HSPG2: variants seen among roughly 807,000 people sequenced by gnomAD.
HSPG2 encodes the protein basement membrane-specific heparan sulfate proteoglycan core protein.
In HSPG2, 278 loss-of-function variants were observed where a neutral mutation model predicts 526.6. That is an observed-to-expected ratio of 0.53 (90% CI 0.48 to 0.58). The LOEUF (loss-of-function observed/expected upper bound fraction) is 0.58, where lower values mean the gene tolerates loss of function less well. Ranked by LOEUF, HSPG2 falls within the 20% of genes least tolerant of loss-of-function variation. The pLI is 0.00. For synonymous variants in HSPG2, 2,465 were observed against 2,555.4 expected, an observed-to-expected ratio of 0.96 and a Z score of 1.07; for missense variants, 5,354 against 6,099.5, an observed-to-expected ratio of 0.88 and a Z score of 4.07.
chr1:21,915,442 T>A (rs1262890964), intron 1 of HSPG2, among the ~76,000 whole-genome samples: 1 of 152,146 alleles, frequency 6.6e-6, no homozygotes, highest in East Asian at 1.9e-4. Flanking sequence ...AGGAGCTGGA[T>A]GAAGGCAAGT....
At chr1:21,905,804 C>T (rs1056984850) in intron 1 of HSPG2, among the ~76,000 whole-genome samples, 15 of 152,108 alleles carry the variant, frequency 9.9e-5, no homozygotes, top group African/African-American at 2.9e-4. Context: ...TGAGGCCAGG[C>T]GTTCAAGACC....
intron 1 of HSPG2, among the ~76,000 whole-genome samples, chr1:21,925,336 C>T (rs909331938): frequency 2.6e-5 from 4 of 152,182 alleles, no homozygotes; most frequent in African/African-American, 4.8e-5. Context: ...CAACACAACG[C>T]GGGACCTGGA....
intron 33 of HSPG2, chr1:21,869,393 G>T (rs982744473): frequency 3.2e-5 from 31 of 966,142 alleles, no homozygotes; most frequent in Non-Finnish European, 3.8e-5. Flanking sequence ...AATTGGTGAA[G>T]TTGGTTCAGA....
intron 37 of HSPG2, among the ~76,000 whole-genome samples, chr1:21,863,878 A>G (rs1191439885): frequency 1.3e-5 from 2 of 152,200 alleles, no homozygotes; most frequent in African/African-American, 2.4e-5. Context: ...AAAGAAAAAA[A>G]TAGTAAAGAA....
chr1:21,920,508 T>C (rs919767826), intron 1 of HSPG2, among the ~76,000 whole-genome samples: 2 of 152,332 alleles, frequency 1.3e-5, no homozygotes, highest in Middle Eastern at 3.4e-3. Flanking sequence ...TTCACTCCAC[T>C]AGCAGCAGCT....
intron 1 of HSPG2, among the ~76,000 whole-genome samples, chr1:21,930,595 G>A (rs1208194178): frequency 6.6e-6 from 1 of 152,136 alleles, no homozygotes; most frequent in Non-Finnish European, 1.5e-5. Context: ...CCAACATGGT[G>A]GAACTCCATC....
rs1352156224 is a variant in HSPG2, at chr1:21,878,744, T to A, written c.2472-81A>T. The A allele has an allele frequency of 3.8e-5, 51 of 1,357,812 alleles. No homozygotes were observed. The Admixed American group carries it at 8.7e-4, about 23-fold the overall frequency. 84.1% of individuals were successfully genotyped at this position (1,357,812 alleles called of 1,614,324 possible). A position where few individuals can be genotyped will look rare whatever the true frequency, so the allele number is the denominator to read the frequency against. On this transcript the variant is annotated intron_variant, in intron 18 of 96. Transcript: ENST00000374695. The stretch of plus-strand genomic sequence containing the variant: ...CCCACCCTGGGAAATGACTGCTGTC[T>A]ACACAGACACAGTGTGCCACGAGGC...
intron 30 of HSPG2, 83 bp from the exon 31 acceptor site, chr1:21,873,174 G>GAGT: frequency 7.8e-7 from 1 of 1,285,494 alleles, no homozygotes; most frequent in Non-Finnish European, 1.1e-6. Flanking sequence ...ACCACTGAGC[G>GAGT]GGAGCTCTGA....
At position 21,846,452 on chromosome 1, in the gene HSPG2, T is replaced by C. The variant is rs1486062688; in HGVS notation, c.8312A>G (p.His2771Arg). 1.2e-6 allele frequency: 2 copies of C among 1,613,374 alleles called. No homozygotes were observed. Among genetic ancestry groups the C allele is most frequent in the Non-Finnish European group, 1.7e-6 (2 of 1,180,042 alleles). The stretch of plus-strand genomic sequence containing the variant: ...CATTTCCTGCCAGCTGCATACCTGA[T>C]GGTGACTGGGGAGGCTGCCCCCACG... ...HKRGGSLPSH[H>R]QTRGSRLRLH... The change falls in exon 63 of 97, where the codon CAT (histidine) becomes CGT (arginine). Residue 2771 changes from histidine (H) to arginine (R), a missense_variant. Physicochemically the swap from His to Arg is conservative, Grantham distance 29. Coordinates refer to ENST00000374695, the MANE Select transcript of HSPG2 (RefSeq NM_005529.7).
chr1:21,827,586 C>G (rs2097981955), intron 91 of HSPG2, among the ~76,000 whole-genome samples: 1 of 152,186 alleles, frequency 6.6e-6, no homozygotes, highest in Non-Finnish European at 1.5e-5. Context: ...TTACTGCTCT[C>G]AGGGCAAGGA....
At chr1:21,846,367 C>A in intron 63 of HSPG2, 81 bp downstream of exon 63, 1 of 1,609,100 alleles carries the variant, frequency 6.2e-7, no homozygotes, top group South Asian at 1.1e-5. Context: ...CCCACGGGGG[C>A]TCCTAGGTCT....
At position 21,842,280 on chromosome 1, in the gene HSPG2, G is replaced by A. The variant is rs1049346014; in HGVS notation, c.9011C>T (p.Ser3004Phe). ...ACTGGGCGGGACGGTGACTGTGAAGGAGGCTTCTTGCTCAGGGCCTGGGCC... is the reference window on the plus strand; with the variant it reads ...ACTGGGCGGGACGGTGACTGTGAAGAAGGCTTCTTGCTCAGGGCCTGGGCC... ...ASGPGPEQEA[S>F]FTVTVPPSEG... The change falls in exon 68 of 97, where the codon TCC (serine) becomes TTC (phenylalanine). Residue 3004 changes from serine to phenylalanine, a missense_variant. By Grantham distance (155) the Ser-to-Phe change is radical (BLOSUM62 -2). Coordinates refer to ENST00000374695, the MANE Select transcript of HSPG2 (RefSeq NM_005529.7). 6.8e-6 allele frequency: 11 copies of A among 1,613,438 alleles called. No individual in the cohort carries two copies. The highest frequency in any genetic ancestry group is 8.5e-6 in the Non-Finnish European group (10 of 1,179,906).
rs575119021 is a variant in HSPG2, at chr1:21,887,203, T to C, written c.1078+12A>G. ...GGGCAAGGGGGCCTCAGCTGGACCC[T>C]CGGATACTCACGGCAGTTGGCTTCA... On this transcript the variant is annotated intron_variant, in intron 9 of 96. Coordinates refer to ENST00000374695, the MANE Select transcript of HSPG2 (RefSeq NM_005529.7). This position sits in a 1 kb window ranked among gnomAD's most constrained non-coding sequence, Gnocchi z 5.0. 3 of 1,606,694 alleles carry C rather than the reference T, an allele frequency of 1.9e-6. No individual in the cohort carries two copies. The highest frequency in any genetic ancestry group is 3.4e-5 in the Admixed American group (2 of 58,796).
intron 91 of HSPG2, among the ~76,000 whole-genome samples, chr1:21,827,004 T>C (rs1013787861): frequency 1.3e-5 from 2 of 151,914 alleles, no homozygotes; most frequent in African/African-American, 4.8e-5. Flanking sequence ...GGTCAGGAGT[T>C]AGAGACAGGC....
At chr1:21,936,007 T>C (rs561816889) in intron 1 of HSPG2, among the ~76,000 whole-genome samples, 22 of 151,894 alleles carry the variant, frequency 1.4e-4, no homozygotes, top group African/African-American at 4.6e-4. Context: ...GCCAGGAAGG[T>C]GAGGCCAGGC....
chr1:21,909,184 A>G (rs1176884342), intron 1 of HSPG2, among the ~76,000 whole-genome samples: 1 of 152,240 alleles, frequency 6.6e-6, no homozygotes, highest in Non-Finnish European at 1.5e-5. Flanking sequence ...GCAAAGGGTC[A>G]TCATCACCAT....
intron 1 of HSPG2, among the ~76,000 whole-genome samples, chr1:21,913,063 C>T (rs1477154013): frequency 1.3e-5 from 2 of 152,074 alleles, no homozygotes; most frequent in Non-Finnish European, 2.9e-5. Context: ...GAGGAGCCTC[C>T]CAGCAACTCG....
chr1:21,843,022 C>T (rs761756976), intron 66 of HSPG2, 101 bp from the exon 67 acceptor site: 30 of 1,392,994 alleles, frequency 2.2e-5, no homozygotes, highest in South Asian at 4.8e-5. Flanking sequence ...ATCCTGGGGG[C>T]GCGGTGGCTT....
rs904185481 is a variant in HSPG2, at chr1:21,888,525, C to T, written c.575-459G>A. ...CTTGCTACGTTGCCCAAGCTGGTCT[C>T]GAACTCTTTGCCTCAAGCAATCCTC... is the stretch of plus-strand genomic sequence containing the variant. On this transcript the variant is annotated intron_variant, in intron 6 of 96. Coordinates refer to ENST00000374695, the MANE Select transcript of HSPG2 (RefSeq NM_005529.7). The T allele has an allele frequency of 1.6e-4, 72 of 451,152 alleles. 2 individuals carry two copies. Among genetic ancestry groups the T allele is most frequent in the South Asian group, 1.2e-3 (50 of 43,148 alleles). The allele number at this position is 451,152 out of a possible 1,614,324, so 27.9% of individuals were successfully genotyped here. A position where few individuals can be genotyped will look rare whatever the true frequency, so the allele number is the denominator to read the frequency against.
Sources: allele counts gnomAD v4.1 joint callset (sites outside exome capture counted in the v4.1 genomes callset), GRCh38; gene constraint gnomAD v4.1.1; non-coding constraint Gnocchi (gnomAD v3.1); transcripts MANE v1.5; gene names NCBI Gene and HGNC (gene_info 2026-07-23, HGNC 2026-07-21).